The following RYR1 variants were observed in gnomAD, a reference collection of about 807,000 sequenced individuals.
The protein encoded by RYR1 is ryanodine receptor 1, also known as central core disease of muscle.
In RYR1, 342 loss-of-function variants were observed where a neutral mutation model predicts 583.5. The observed-to-expected ratio is 0.59, with a 90% CI of 0.54 to 0.64. The LOEUF (loss-of-function observed/expected upper bound fraction) is 0.64. RYR1 is among the 30% of genes least tolerant of loss of function. RYR1 has a pLI of 0.00. For synonymous variants in RYR1, 2,791 were observed against 2,822.5 expected (o/e 0.99, Z 0.35); for missense variants, 6,032 against 6,917.2 (o/e 0.87, Z 4.54).
chr19:38,507,804 C>T lies in RYR1; in HGVS notation c.8909C>T (p.Ser2970Phe). The change falls in exon 58 of 106, where the codon TCT (serine) becomes TTT (phenylalanine). Residue 2970 changes from serine (S) to phenylalanine (F), a missense_variant. Physicochemically the swap from Ser to Phe is radical, Grantham distance 155. This residue lies in a region of RYR1 where 1,493 missense variants were observed against 1,715.5 expected (regional missense o/e 0.87). Coordinates refer to ENST00000359596, the MANE Select transcript of RYR1 (RefSeq NM_000540.3). ...LQQLLRWMDISQEFIAHLEAV... is the reference protein window; with the variant it reads ...LQQLLRWMDIFQEFIAHLEAV... ...CAGCTGCTGCGCTGGATGGACATTT[C>T]TCAGGAGTTCATTGCCCACCTGGGT... is the stretch of plus-strand genomic sequence containing the variant. 1 of 1,613,070 alleles carries T rather than the reference C, an allele frequency of 6.2e-7. No homozygotes were observed. Among genetic ancestry groups the T allele is most frequent in the Non-Finnish European group, 8.5e-7 (1 of 1,179,098 alleles).
chr19:38,458,619 TTTG>T (rs1169686436), intron 18 of RYR1, among the ~76,000 whole-genome samples: 14 of 88,826 alleles, frequency 1.6e-4, no homozygotes, highest in Admixed American at 3.2e-4. Context: ...ATTTTGTTTG[TTTG>T]TTTGTTTGTT....
intron 78 of RYR1, 136 bp from the exon 79 acceptor site, chr19:38,534,584 G>A: frequency 2.6e-6 from 2 of 755,078 alleles, no homozygotes; most frequent in Non-Finnish European, 4.7e-6. Context: ...GAGCCCCAGG[G>A]GATGGAGGGA....
At chr19:38,572,338 G>T (rs1401192935) in intron 95 of RYR1, 68 bp downstream of exon 95, 20 of 399,450 alleles carry the variant, frequency 5.0e-5, no homozygotes, top group Non-Finnish European at 1.0e-4. Flanking sequence ...CAGTGCTGGA[G>T]CACTGGCTGG....
rs771523641 is a variant in RYR1, at chr19:38,502,564, G to A, written c.7672G>A (p.Val2558Met). The A allele has an allele frequency of 6.6e-5, 107 of 1,611,738 alleles. No homozygotes were observed. The Admixed American group carries it at 7.0e-4, about 11-fold the overall frequency. The change falls in exon 48 of 106, where the codon GTG becomes ATG. Residue 2558 changes from valine to methionine, a missense_variant. Physicochemically the swap from Val to Met is conservative, Grantham distance 21 (BLOSUM62 1). This residue lies in a region of RYR1 where 250 missense variants were observed against 162.3 expected (regional missense o/e 1.54). Coordinates refer to ENST00000359596, the MANE Select transcript of RYR1 (RefSeq NM_000540.3). ...LALNRYLCLA[V>M]LPLITKCAPL... ...GCTGAACCGCTACCTGTGCCTGGCC[G>A]TGCTGCCGCTCATCACCAAGTGTGC...
At chr19:38,478,275 A>G (rs1364940107) in intron 30 of RYR1, among the ~76,000 whole-genome samples, 160 bp from the exon 31 acceptor site, 2 of 152,136 alleles carry the variant, frequency 1.3e-5, no homozygotes, top group African/African-American at 4.8e-5. Flanking sequence ...CGAAGAGCTC[A>G]GTGTCCGGGG....
Position 38,500,021 on chromosome 19 carries a change from G to T in RYR1, c.7323+5G>T. On this transcript the variant is annotated splice_donor_5th_base_variant and intron_variant, in intron 45 of 105. Transcript: ENST00000359596. The surrounding 1 kb of genome is among the most constrained non-coding windows in gnomAD (Gnocchi z 5.9). ...CGCTGTGCACCAGAGATGCATGTGA[G>T]ACCCTGAGCCAGGGCAGGATGGGAA... 1 of 1,613,604 alleles carries T rather than the reference G, an allele frequency of 6.2e-7. No individual in the cohort carries two copies. The highest frequency in any genetic ancestry group is 1.1e-5 in the South Asian group (1 of 91,066).
intron 29 of RYR1, among the ~76,000 whole-genome samples, chr19:38,477,250 C>A (rs1968781112): frequency 6.6e-6 from 1 of 152,098 alleles, no homozygotes; most frequent in African/African-American, 2.4e-5. Flanking sequence ...TCAAGCGATT[C>A]TCCTGCCTCA....
At chr19:38,585,689 G>A (rs1276768087) in intron 102 of RYR1, among the ~76,000 whole-genome samples, 1 of 151,732 alleles carries the variant, frequency 6.6e-6, no homozygotes. Flanking sequence ...CACCATGTTG[G>A]CCAGGCTGCT....
rs371027185 is a variant in RYR1 at position 38,517,389 on chromosome 19, T to A, written c.9716T>A (p.Met3239Lys). ...ILGLPNSVEE[M>K]CPDIPVLERL... ...GGGCTCCCCAACAGTGTGGAGGAGA[T>A]GTGTCCCGACATCCCGGTGCTGGAG... The change falls in exon 66 of 106, where the codon ATG becomes AAG. Residue 3239 changes from methionine to lysine, a missense_variant. Physicochemically the swap from Met to Lys is moderately conservative, Grantham distance 95. Around this residue, in one of 11 missense-constraint regions of RYR1, gnomAD observed 1,493 missense variants for 1,715.5 expected, o/e 0.87. Transcript: ENST00000359596. 2 of 1,613,732 alleles carry A rather than the reference T, an allele frequency of 1.2e-6. No homozygotes were observed. Among genetic ancestry groups the A allele is most frequent in the African/African-American group, 2.7e-5 (2 of 74,842 alleles).
intron 16 of RYR1, among the ~76,000 whole-genome samples, chr19:38,456,523 C>T (rs1032475027): frequency 2.6e-5 from 4 of 151,762 alleles, no homozygotes; most frequent in Non-Finnish European, 4.4e-5. Context: ...CTCAGGTGAT[C>T]CACCCACTTT....
intron 97 of RYR1, 120 bp from the exon 98 acceptor site, chr19:38,577,798 A>G: frequency 7.2e-7 from 1 of 1,393,714 alleles, no homozygotes; most frequent in Non-Finnish European, 9.8e-7. Flanking sequence ...TGTCTCAAAA[A>G]AAAAAATGCA....
At position 38,539,452 on chromosome 19, in the gene RYR1, G is replaced by C. The variant is rs193092042; in HGVS notation, c.11689+1492G>C. Among the ~76,000 whole-genome samples the C allele has an allele frequency of 6.1e-4, 93 of 151,844 alleles. 1 individual carries two copies. In the East Asian group the frequency reaches 0.016, roughly 26 times the overall value. ...TGAGATCTCACTGTGTTGCCCAGGG[G>C]ATCTCAAACTCCTGGATTCAAGCAA... is the stretch of plus-strand genomic sequence containing the variant. On this transcript the variant is annotated intron_variant, in intron 84 of 105. Transcript: ENST00000359596.
At chr19:38,455,593 G>A (rs1312222794) in intron 15 of RYR1, 40 bp from the exon 16 acceptor site, 7 of 1,608,038 alleles carry the variant, frequency 4.4e-6, no homozygotes, top group African/African-American at 4.0e-5. Context: ...GGAGGGGATG[G>A]GCATGGCCGC....
At chr19:38,433,981 C>A in intron 1 of RYR1, 107 bp downstream of exon 1, 1 of 943,312 alleles carries the variant, frequency 1.1e-6, no homozygotes, top group Non-Finnish European at 1.8e-6. Flanking sequence ...CTCTGAGACT[C>A]GAGGTCTCTT....
In RYR1 at chr19:38,577,913, T is replaced by C; in HGVS notation, c.14173-5T>C. The C allele has an allele frequency of 6.2e-7, 1 of 1,614,116 alleles. No individual in the cohort carries two copies. The highest frequency in any genetic ancestry group is 8.5e-7 in the Non-Finnish European group (1 of 1,180,012). On this transcript the variant is annotated splice_polypyrimidine_tract_variant and splice_region_variant and intron_variant, in intron 97 of 105. Transcript: ENST00000359596. Reference sequence around the variant, plus strand: ...GTCTACACAGCCTGATGCTCTCTTGTGCAGGTCCTGGACAAACATGGGGAC... The same window carrying C: ...GTCTACACAGCCTGATGCTCTCTTGCGCAGGTCCTGGACAAACATGGGGAC...
In RYR1 at chr19:38,500,504, G is replaced by A; in HGVS notation, c.7324-102G>A. On this transcript the variant is annotated intron_variant, in intron 45 of 105. Transcript: ENST00000359596. The surrounding 1 kb of genome is among the most constrained non-coding windows in gnomAD (Gnocchi z 5.9). ...ACTCTAGACAGCCTCCTGAGAAAGA[G>A]GCCTGCTCTACCCTCCTGTGTGGTA... 6.5e-7 allele frequency: 1 copy of A among 1,539,448 alleles called. No individual in the cohort carries two copies. Among genetic ancestry groups the A allele is most frequent in the African/African-American group, 1.4e-5 (1 of 73,416 alleles).
rs1971570907 is a variant in RYR1 at position 38,528,311 on chromosome 19, G to C, written c.10830G>C (p.Glu3610Asp). ...TCCTGCTATCCCCTCCCCAGACCGA[G>C]CACCCTTACAAGTCTAAGAAGGCCG... ...SAVLYYLDQT[E>D]HPYKSKKAVW... Residue 3610 changes from glutamate to aspartate, a missense_variant, in exon 74 of 106, where the codon GAG (glutamate) becomes GAC (aspartate). Coordinates refer to ENST00000359596, the MANE Select transcript of RYR1 (RefSeq NM_000540.3). The C allele has an allele frequency of 6.2e-7, 1 of 1,613,954 alleles. No individual in the cohort carries two copies. Among genetic ancestry groups the C allele is most frequent in the African/African-American group, 1.3e-5 (1 of 74,900 alleles).
At chr19:38,486,686 A>G (rs556878496) in intron 34 of RYR1, among the ~76,000 whole-genome samples, 1 of 151,830 alleles carries the variant, frequency 6.6e-6, no homozygotes, top group Non-Finnish European at 1.5e-5. Flanking sequence ...CCTATCTTTC[A>G]TTCACCTTTC....
At chr19:38,450,667 T>C (rs999220439) in intron 11 of RYR1, among the ~76,000 whole-genome samples, 2 of 152,232 alleles carry the variant, frequency 1.3e-5, no homozygotes, top group East Asian at 3.9e-4. Context: ...GCCATTTGCA[T>C]AGGGCACAAA....
Sources: allele counts gnomAD v4.1 joint callset (sites outside exome capture counted in the v4.1 genomes callset), GRCh38; gene constraint gnomAD v4.1.1; regional missense constraint gnomAD v4.1.1; non-coding constraint Gnocchi (gnomAD v3.1); transcripts MANE v1.5; gene names NCBI Gene and HGNC (gene_info 2026-07-23, HGNC 2026-07-21).